Variants in XRRA1 observed in about 807,000 individuals in gnomAD.
XRRA1 encodes X-ray radiation resistance associated 1, also known as X-ray radiation resistance-associated protein 1.
In XRRA1, 69 loss-of-function variants were observed where a neutral mutation model predicts 80.2. The observed-to-expected ratio is 0.86, with a 90% CI of 0.71 to 1.05. The LOEUF is 1.05. XRRA1 is among the 50% of genes least tolerant of loss of function. The probability of loss-of-function intolerance (pLI) is 0.00; values close to 1 mark genes in which losing one functional copy is unlikely to be tolerated. For synonymous variants in XRRA1, 348 were observed against 389.9 expected (o/e 0.89, Z 1.27); for missense variants, 967 against 976.4 (o/e 0.99, Z 0.13).
At chr11:74,927,333 T>C (rs747290690) in intron 7 of XRRA1, 58 bp downstream of exon 7, 23 of 828,056 alleles carry the variant, frequency 2.8e-5, no homozygotes, top group Non-Finnish European at 3.8e-5. Flanking sequence ...TAAAGCTCTA[T>C]GCTCATTCCT....
intron 5 of XRRA1, among the ~76,000 whole-genome samples, chr11:74,930,953 C>T (rs929630771): frequency 3.3e-5 from 5 of 151,958 alleles, no homozygotes; most frequent in South Asian, 2.1e-4. Context: ...TGCAGGCACA[C>T]GCCACCAAGA....
chr11:74,935,641 T>C (rs1591582252), intron 4 of XRRA1, among the ~76,000 whole-genome samples: 1 of 152,110 alleles, frequency 6.6e-6, no homozygotes, highest in Non-Finnish European at 1.5e-5. Context: ...GGGTAGATGG[T>C]AGTGCCAACA....
At chr11:74,843,825 G>C in intron 18 of XRRA1, 29 bp downstream of exon 18, 4 of 1,578,266 alleles carry the variant, frequency 2.5e-6, no homozygotes, top group Non-Finnish European at 3.5e-6. Flanking sequence ...ACTGGATCTG[G>C]GATCCTGGCA....
intron 2 of XRRA1, among the ~76,000 whole-genome samples, chr11:74,944,293 T>G (rs186540337): frequency 6.6e-6 from 1 of 152,180 alleles, no homozygotes; most frequent in African/African-American, 2.4e-5. Context: ...AATAGACATG[T>G]GAGCCAAGTG....
In XRRA1 at chr11:74,930,383, G is replaced by T; in HGVS notation, c.352-11C>A. On this transcript the variant is annotated splice_polypyrimidine_tract_variant and intron_variant, in intron 5 of 18. Coordinates refer to ENST00000684022, the MANE Select transcript of XRRA1 (RefSeq NM_001378157.1). ...GTCATTTTCCTTGGCCTGTAGGAAA[G>T]CATTTCAGAAAAAAAAAAAAATCCA... 6.5e-7 allele frequency: 1 copy of T among 1,528,924 alleles called. No individual in the cohort carries two copies. The highest frequency in any genetic ancestry group is 8.8e-7 in the Non-Finnish European group (1 of 1,139,932). The allele number at this position is 1,528,924 out of a possible 1,614,324, so 94.7% of individuals were successfully genotyped here. A position where few individuals can be genotyped will look rare whatever the true frequency, so the allele number is the denominator to read the frequency against.
intron 15 of XRRA1, among the ~76,000 whole-genome samples, chr11:74,846,541 T>C (rs1467710178): frequency 6.6e-6 from 1 of 152,120 alleles, no homozygotes; most frequent in Non-Finnish European, 1.5e-5. Context: ...TCTCAAAAAA[T>C]ATTAGCAAAC....
intron 10 of XRRA1, among the ~76,000 whole-genome samples, chr11:74,886,468 A>G (rs2137016791): frequency 6.6e-6 from 1 of 152,296 alleles, no homozygotes; most frequent in South Asian, 2.1e-4. Context: ...CACAATAGCC[A>G]CAAAAAGAAT....
chr11:74,851,484 A>G (rs2039833917), intron 13 of XRRA1, among the ~76,000 whole-genome samples: 2 of 152,158 alleles, frequency 1.3e-5, no homozygotes, highest in African/African-American at 4.8e-5. Context: ...GTGTCACTCC[A>G]GGGCCCAGGA....
intron 10 of XRRA1, among the ~76,000 whole-genome samples, chr11:74,878,485 G>A (rs1170215106): frequency 4.6e-5 from 7 of 152,036 alleles, no homozygotes; most frequent in South Asian, 2.1e-4. Flanking sequence ...CCATTTGTCA[G>A]TTTTGGCTTT....
chr11:74,921,372 G>C (rs1940736798), intron 7 of XRRA1, 25 bp from the exon 8 acceptor site: 1 of 1,613,306 alleles, frequency 6.2e-7, no homozygotes, highest in African/African-American at 1.3e-5. Flanking sequence ...TGAAAGATGG[G>C]GAAGGTAAGC....
chr11:74,943,855 T>C (rs1946938899), intron 2 of XRRA1, among the ~76,000 whole-genome samples: 1 of 152,140 alleles, frequency 6.6e-6, no homozygotes, highest in South Asian at 2.1e-4. Context: ...AGTGTCTTAC[T>C]TTGTCACCTA....
chr11:74,852,554 T>C (rs1377174179), intron 12 of XRRA1, among the ~76,000 whole-genome samples: 1 of 152,208 alleles, frequency 6.6e-6, no homozygotes, highest in Non-Finnish European at 1.5e-5. Flanking sequence ...GCTCTTTCAC[T>C]GAGGCCAGTC....
At chr11:74,902,857 C>A (rs1477111994) in intron 10 of XRRA1, among the ~76,000 whole-genome samples, 1 of 151,984 alleles carries the variant, frequency 6.6e-6, no homozygotes, top group African/African-American at 2.4e-5. Context: ...TTTGGTAGCA[C>A]AACAGGGGGA....
At chr11:74,918,005 A>G (rs1939309945) in intron 8 of XRRA1, among the ~76,000 whole-genome samples, 1 of 151,846 alleles carries the variant, frequency 6.6e-6, no homozygotes, top group South Asian at 2.1e-4. Flanking sequence ...CTGGGACTAG[A>G]GTATTATCTG....
At chr11:74,858,193 C>T (rs2135806898) in intron 12 of XRRA1, among the ~76,000 whole-genome samples, 1 of 152,244 alleles carries the variant, frequency 6.6e-6, no homozygotes, top group African/African-American at 2.4e-5. Context: ...TAATGTCTAA[C>T]TATTTTGGAT....
chr11:74,888,218 A>G (rs1386379854), intron 10 of XRRA1, among the ~76,000 whole-genome samples: 1 of 152,152 alleles, frequency 6.6e-6, no homozygotes. Flanking sequence ...CTCCTCAGAG[A>G]CAAAACTTCC....
intron 10 of XRRA1, among the ~76,000 whole-genome samples, chr11:74,867,674 T>C (rs2043745789): frequency 6.6e-6 from 1 of 152,142 alleles, no homozygotes; most frequent in Non-Finnish European, 1.5e-5. Context: ...GCATGACAAT[T>C]TCCCCAACTT....
chr11:74,879,475 G>A (rs1004705670), intron 10 of XRRA1, among the ~76,000 whole-genome samples: 8 of 151,908 alleles, frequency 5.3e-5, no homozygotes, highest in African/African-American at 1.9e-4. Flanking sequence ...CTGCCTAATT[G>A]CCCTGGCCAG....
At chr11:74,850,586 A>G (rs2039533211) in intron 14 of XRRA1, among the ~76,000 whole-genome samples, 1 of 152,232 alleles carries the variant, frequency 6.6e-6, no homozygotes, top group South Asian at 2.1e-4. Context: ...AATTCTTCAG[A>G]TGAAAGAGGG....
Sources: allele counts gnomAD v4.1 joint callset (sites outside exome capture counted in the v4.1 genomes callset), GRCh38; gene constraint gnomAD v4.1.1; transcripts MANE v1.5; gene names NCBI Gene and HGNC (gene_info 2026-07-23, HGNC 2026-07-21).